Variants in SLC30A3 observed in about 807,000 individuals in gnomAD.
The protein encoded by SLC30A3 is solute carrier family 30 member 3.
In SLC30A3, 20 loss-of-function variants were observed where a neutral mutation model predicts 35.6. That is an observed-to-expected ratio of 0.56 (90% CI 0.39 to 0.82). The LOEUF is 0.82. SLC30A3 is among the 40% of genes least tolerant of loss of function. The pLI is 0.00. For synonymous variants in SLC30A3, 217 were observed against 224.7 expected, an observed-to-expected ratio of 0.97 and a Z score of 0.31; for missense variants, 401 against 530.6, an observed-to-expected ratio of 0.76 and a Z score of 2.40.
Position 27,257,848 on chromosome 2 carries a change from G to C in SLC30A3, c.578+57C>G. The stretch of plus-strand genomic sequence containing the variant: ...AGGAGAGAGCCAGCTCTCCCATCCT[G>C]GAGGAAGACCCCTCGCCCTGGGCCC... On this transcript the variant is annotated intron_variant, in intron 4 of 7. Transcript: ENST00000233535. The surrounding 1 kb of genome is among the most constrained non-coding windows in gnomAD (Gnocchi z 4.7). The C allele has an allele frequency of 6.5e-7, 1 of 1,538,230 alleles. No individual in the cohort carries two copies. The highest frequency in any genetic ancestry group is 8.8e-7 in the Non-Finnish European group (1 of 1,130,108).
chr2:27,262,936 AC>A lies in SLC30A3; in HGVS notation c.-31del. 6.6e-7 allele frequency: 1 copy of A among 1,517,574 alleles called. No individual in the cohort carries two copies. The highest frequency in any genetic ancestry group is 2.7e-5 in the East Asian group (1 of 37,252). The allele number at this position is 1,517,574 out of a possible 1,614,324, so 94.0% of individuals were successfully genotyped here. A position where few individuals can be genotyped will look rare whatever the true frequency, so the allele number is the denominator to read the frequency against. On this transcript the variant is annotated 5_prime_UTR_variant, in exon 1 of 8. Transcript: ENST00000233535. The surrounding 1 kb of genome is among the most constrained non-coding windows in gnomAD (Gnocchi z 7.5). ...CCGGTGCCCCGACCGTCTAGGCCCC[AC>A]CGAGGAAGAGAGAGGCCGGGCCGGC...
chr2:27,270,240 A>C (rs1414554436), intron 1 of SLC30A3, among the ~76,000 whole-genome samples: 1 of 152,218 alleles, frequency 6.6e-6, no homozygotes, highest in Non-Finnish European at 1.5e-5. Flanking sequence ...GAGGGATGAG[A>C]TCATTCTATG....
At chr2:27,273,159 G>C (rs1434633660) in intron 1 of SLC30A3, among the ~76,000 whole-genome samples, 1 of 151,148 alleles carries the variant, frequency 6.6e-6, no homozygotes, top group Non-Finnish European at 1.5e-5. Context: ...GAGAGGAGTA[G>C]AACCCAGTTT....
chr2:27,275,230 C>T (rs765599684), exon 1 of SLC30A3: 221 of 1,303,840 alleles, frequency 1.7e-4, no homozygotes, highest in Non-Finnish European at 2.1e-4. Flanking sequence ...TGAGTTGGGC[C>T]ATCAAGATGG....
chr2:27,264,013 A>C, upstream of SLC30A3: 2 of 1,287,096 alleles, frequency 1.6e-6, no homozygotes, highest in Middle Eastern at 4.3e-4. This position sits in a 1 kb window ranked among gnomAD's most constrained non-coding sequence, Gnocchi z 6.1. Flanking sequence ...GACTTACAGC[A>C]AAGTCGGTGG....
rs553178833 is a variant in SLC30A3 at position 27,254,827 on chromosome 2, G to A, written c.*485C>T. 3 of 279,516 alleles carry A rather than the reference G, an allele frequency of 1.1e-5. No homozygotes were observed. The highest frequency in any genetic ancestry group is 1.1e-4 in the East Asian group (1 of 9,378). The allele number at this position is 279,516 out of a possible 1,614,324, so 17.3% of individuals were successfully genotyped here. A position where few individuals can be genotyped will look rare whatever the true frequency, so the allele number is the denominator to read the frequency against. On this transcript the variant is annotated 3_prime_UTR_variant, in exon 8 of 8. Transcript: ENST00000233535. ...ACAAAACCACAGGGCTAAGACACAC[G>A]GACAAAGTGCGGGCTTTGGGGCCCC... is the stretch of plus-strand genomic sequence containing the variant.
chr2:27,265,124 G>A (rs886718833), upstream of SLC30A3, among the ~76,000 whole-genome samples: 8 of 152,226 alleles, frequency 5.3e-5, no homozygotes, highest in African/African-American at 1.9e-4. This position sits in a 1 kb window ranked among gnomAD's most constrained non-coding sequence, Gnocchi z 5.9. Flanking sequence ...GACAACAGGG[G>A]ACATAACAAC....
intron 1 of SLC30A3, among the ~76,000 whole-genome samples, chr2:27,273,037 CAAAAA>C (rs1166810598): frequency 1.1e-5 from 1 of 92,766 alleles, no homozygotes; most frequent in African/African-American, 4.1e-5. Context: ...GACCTTGTCT[CAAAAA>C]AAAAAAAAAA....
In SLC30A3 at chr2:27,260,204, G is replaced by A. The variant is rs554507074; in HGVS notation, c.96-1270C>T. On this transcript the variant is annotated intron_variant, in intron 1 of 7. Transcript: ENST00000233535. ...AAGTGTGGCCCTTTAAGAGACGAGCGGGACATTGGGGCCAAAAAGTCTGAT... is the reference window on the plus strand; with the variant it reads ...AAGTGTGGCCCTTTAAGAGACGAGCAGGACATTGGGGCCAAAAAGTCTGAT... Among the ~76,000 whole-genome samples the A allele has an allele frequency of 4.6e-5, 7 of 152,220 alleles. No individual in the cohort carries two copies. In the South Asian group the frequency reaches 8.3e-4, roughly 18 times the overall value.
Position 27,258,879 on chromosome 2 carries a change from G to T in SLC30A3, c.151C>A (p.Pro51Thr). The change falls in exon 2 of 8, where the codon CCC becomes ACC. Residue 51 changes from proline to threonine, a missense_variant. By Grantham distance (38) the Pro-to-Thr change is conservative. Around this residue, in one of 3 missense-constraint regions of SLC30A3, gnomAD observed 103 missense variants for 120.7 expected, o/e 0.85. Coordinates refer to ENST00000233535, the MANE Select transcript of SLC30A3 (RefSeq NM_003459.5). This position sits in a 1 kb window ranked among gnomAD's most constrained non-coding sequence, Gnocchi z 4.0. ...LPEESKPVEM[P>T]FHHCHRDPLP... is the part of the protein sequence containing the mutation. ...GGGTCCCTGTGGCAGTGGTGGAAGG[G>T]CATCTCCACAGGTTTGGACTCCTCA... is the stretch of plus-strand genomic sequence containing the variant. 1 of 1,613,804 alleles carries T rather than the reference G, an allele frequency of 6.2e-7. No homozygotes were observed. The highest frequency in any genetic ancestry group is 1.3e-5 in the African/African-American group (1 of 75,056).
At chr2:27,266,361 C>T (rs1677495894), upstream of SLC30A3, among the ~76,000 whole-genome samples, 1 of 152,194 alleles carries the variant, frequency 6.6e-6, no homozygotes, top group South Asian at 2.1e-4. Flanking sequence ...TATTTTCAGT[C>T]CCCTTTGCTG....
chr2:27,260,298 G>A (rs1677117463), intron 1 of SLC30A3, among the ~76,000 whole-genome samples: 2 of 152,190 alleles, frequency 1.3e-5, no homozygotes, highest in African/African-American at 4.8e-5. Flanking sequence ...GGTGCAGCCT[G>A]CTATGGCTGA....
intron 6 of SLC30A3, 49 bp from the exon 7 acceptor site, chr2:27,256,569 G>C (rs768402109): frequency 2.5e-6 from 4 of 1,610,246 alleles, no homozygotes; most frequent in Non-Finnish European, 2.5e-6. Flanking sequence ...CTCCTGCCCA[G>C]AAGCAGCACC....
upstream of SLC30A3, chr2:27,263,966 C>T: frequency 9.1e-7 from 1 of 1,102,334 alleles, no homozygotes; most frequent in Non-Finnish European, 1.2e-6. Context: ...CCGCATTCTG[C>T]CTCATTTGGG....
chr2:27,271,098 G>A lies in SLC30A3; in HGVS notation c.-159+4079C>T, dbSNP rs145704509. Among the ~76,000 whole-genome samples the A allele has an allele frequency of 8.4e-4, 128 of 152,296 alleles. 3 individuals carry two copies. The highest frequency in any genetic ancestry group is 2.9e-3 in the African/African-American group (120 of 41,564). ...CTTTCTTCAATTATAAAATGAAGGC[G>A]TTGGATTCAAGTTAAATCTCTGAGG... On this transcript the variant is annotated intron_variant, in intron 1 of 5. Transcript: ENST00000424577. The surrounding 1 kb of genome is among the most constrained non-coding windows in gnomAD (Gnocchi z 4.3).
chr2:27,264,118 A>G, upstream of SLC30A3: 1 of 1,223,400 alleles, frequency 8.2e-7, no homozygotes, highest in East Asian at 5.7e-5. This position sits in a 1 kb window ranked among gnomAD's most constrained non-coding sequence, Gnocchi z 6.1. Flanking sequence ...AGGATTGTGC[A>G]CTCGAAGCTG....
At chr2:27,259,726 A>T (rs964192617) in intron 1 of SLC30A3, among the ~76,000 whole-genome samples, 3 of 152,190 alleles carry the variant, frequency 2.0e-5, no homozygotes, top group African/African-American at 7.2e-5. Context: ...AGGCCAACCC[A>T]GTTAGTTGCT....
rs57396109 is a variant in SLC30A3 at position 27,273,051 on chromosome 2, A to ATAT, written c.-159+2125_-159+2126insATA. ...AGACCTTGTCTCAAAAAAAAAAAAA[A>ATAT]ATATATATATATATATGGATAGATA... On this transcript the variant is annotated intron_variant, in intron 1 of 5. Coordinates refer to the SLC30A3 transcript ENST00000424577. Among the ~76,000 whole-genome samples the ATAT allele has an allele frequency of 2.0e-3, 294 of 145,346 alleles. 5 individuals are homozygous for ATAT. Among genetic ancestry groups the ATAT allele is most frequent in the African/African-American group, 6.5e-3 (251 of 38,726 alleles).
rs1218208430 is a variant in SLC30A3 at position 27,257,520 on chromosome 2, G to C, written c.579-168C>G. ...TGGGGGAAAGAATACCAGACTTGGT[G>C]CCACACATGTGGATTCGGAAGCTGG... is the stretch of plus-strand genomic sequence containing the variant. On this transcript the variant is annotated intron_variant, in intron 4 of 7. Transcript: ENST00000233535. This position sits in a 1 kb window ranked among gnomAD's most constrained non-coding sequence, Gnocchi z 4.7. 2.9e-6 allele frequency: 2 copies of C among 685,508 alleles called. No individual in the cohort carries two copies. The highest frequency in any genetic ancestry group is 5.0e-6 in the Non-Finnish European group (2 of 397,704). 42.5% of individuals were successfully genotyped at this position (685,508 alleles called of 1,614,324 possible).
Sources: gnomAD v4.1 joint callset for allele counts (sites outside exome capture counted in the v4.1 genomes callset) on GRCh38, gnomAD v4.1.1 for gene constraint, gnomAD v4.1.1 regional missense constraint, Gnocchi (gnomAD v3.1) non-coding constraint, MANE v1.5 for transcripts, NCBI Gene and HGNC (gene_info 2026-07-23, HGNC 2026-07-21) for gene names.